BCKDHB: variants seen among roughly 807,000 people sequenced by gnomAD.
BCKDHB encodes the protein 2-oxoisovalerate dehydrogenase subunit beta, mitochondrial.
A neutral mutation model predicts 48.5 loss-of-function variants in BCKDHB; 41 were observed. The observed-to-expected ratio is 0.85, with a 90% confidence interval of 0.66 to 1.10. The LOEUF (loss-of-function observed/expected upper bound fraction) is 1.10, where lower values mean the gene tolerates loss of function less well. Among genes scored for constraint, BCKDHB ranks in the 50% least tolerant of loss-of-function variants. BCKDHB has a pLI of 0.00. For missense variants in BCKDHB, 496 were observed against 494.2 expected (o/e 1.00, Z -0.03); for synonymous variants, 201 against 174.8 (o/e 1.15, Z -1.18).
At chr6:80,442,614 C>T in the BCKDHB span, among the ~76,000 whole-genome samples, 1 of 151,858 alleles carries the variant, frequency 6.6e-6, no homozygotes, top group Non-Finnish European at 1.5e-5. Flanking sequence ...TACAGAGGGG[C>T]ATTTGAGAGT....
chr6:80,304,887 T>C (rs923222463), intron 9 of BCKDHB, among the ~76,000 whole-genome samples: 4 of 152,106 alleles, frequency 2.6e-5, no homozygotes, highest in African/African-American at 7.2e-5. Flanking sequence ...AAGAAGAAAT[T>C]AGAAACTTCC....
rs189363434 is a variant in BCKDHB at position 80,265,208 on chromosome 6, A to G, written c.952-7927A>G. 5.3e-5 allele frequency among the ~76,000 whole-genome samples: 8 copies of G among 152,272 alleles called. No individual in the cohort carries two copies. The East Asian group carries it at 1.4e-3, about 26-fold the overall frequency. On this transcript the variant is annotated intron_variant, in intron 8 of 9. Transcript: ENST00000320393. ...CCAGCAATTCCACTTCTGGGTATAT[A>G]TACAAAAGAAGTGAAAGCAGGGACT...
intron 8 of BCKDHB, among the ~76,000 whole-genome samples, chr6:80,253,866 A>T (rs1044350587): frequency 5.3e-5 from 8 of 151,904 alleles, no homozygotes; most frequent in African/African-American, 1.9e-4. Context: ...TAGGCCACTA[A>T]TTTTTTTCAT....
At chr6:80,182,016 A>G (rs1015034560) in intron 6 of BCKDHB, among the ~76,000 whole-genome samples, 1 of 152,178 alleles carries the variant, frequency 6.6e-6, no homozygotes, top group Non-Finnish European at 1.5e-5. Flanking sequence ...AACGTATATT[A>G]TTAATTTATT....
chr6:80,441,710 A>G, the BCKDHB span, among the ~76,000 whole-genome samples: 1 of 152,040 alleles, frequency 6.6e-6, no homozygotes, highest in Non-Finnish European at 1.5e-5. Context: ...TGCTGTCATC[A>G]TGTTTGTTAT....
chr6:80,373,290 C>G, the BCKDHB span, among the ~76,000 whole-genome samples: 5 of 151,722 alleles, frequency 3.3e-5, no homozygotes, highest in Admixed American at 2.0e-4. Context: ...TTTCGGTTGA[C>G]ATATCTCCTG....
intron 8 of BCKDHB, among the ~76,000 whole-genome samples, chr6:80,228,468 A>G (rs1377866496): frequency 6.6e-6 from 1 of 152,156 alleles, no homozygotes; most frequent in Non-Finnish European, 1.5e-5. Context: ...TAGAGACAGC[A>G]CCAGTTCCTG....
At chr6:80,225,803 G>A (rs146252974) in intron 8 of BCKDHB, among the ~76,000 whole-genome samples, 82 of 152,020 alleles carry the variant, frequency 5.4e-4, no homozygotes, top group African/African-American at 1.9e-3. Flanking sequence ...GTGTTTACTT[G>A]TTCTTTATAG....
intron 1 of BCKDHB, among the ~76,000 whole-genome samples, chr6:80,123,105 C>T (rs1770131231): frequency 6.6e-6 from 1 of 152,020 alleles, no homozygotes; most frequent in African/African-American, 2.4e-5. Flanking sequence ...AAAAATATGG[C>T]TCTTTTTGCC....
chr6:80,164,330 T>C (rs1473055318), intron 3 of BCKDHB, among the ~76,000 whole-genome samples: 1 of 152,170 alleles, frequency 6.6e-6, no homozygotes, highest in Non-Finnish European at 1.5e-5. Context: ...GTTTTTGTAC[T>C]TGATGGTCGC....
intron 6 of BCKDHB, among the ~76,000 whole-genome samples, chr6:80,188,738 CT>C (rs1247757760): frequency 1.3e-5 from 2 of 152,162 alleles, no homozygotes; most frequent in African/African-American, 2.4e-5. Flanking sequence ...CCAAGCCCCC[CT>C]GACATGCAAT....
the BCKDHB span, among the ~76,000 whole-genome samples, chr6:80,429,341 T>C: frequency 6.6e-6 from 1 of 152,170 alleles, no homozygotes; most frequent in African/African-American, 2.4e-5. Flanking sequence ...CTTAAGATTG[T>C]CTTGGCTATG....
At chr6:80,429,733 CTT>C in the BCKDHB span, among the ~76,000 whole-genome samples, 1 of 152,204 alleles carries the variant, frequency 6.6e-6, no homozygotes, top group African/African-American at 2.4e-5. Context: ...TATCCTGAAA[CTT>C]TGCTGAAGTT....
At chr6:80,219,628 G>T (rs949959426) in intron 8 of BCKDHB, among the ~76,000 whole-genome samples, 1 of 152,102 alleles carries the variant, frequency 6.6e-6, no homozygotes, top group Non-Finnish European at 1.5e-5. Flanking sequence ...TGGGTCCTGC[G>T]ATTTGCTCTT....
intron 6 of BCKDHB, among the ~76,000 whole-genome samples, chr6:80,188,498 G>A (rs1042919811): frequency 3.9e-5 from 6 of 152,062 alleles, no homozygotes; most frequent in Admixed American, 2.6e-4. Flanking sequence ...ATTTAGCCAG[G>A]TGTGGTGGTG....
the BCKDHB span, among the ~76,000 whole-genome samples, chr6:80,421,060 C>T: frequency 6.6e-6 from 1 of 152,142 alleles, no homozygotes; most frequent in Non-Finnish European, 1.5e-5. Context: ...TGTGTCTCCA[C>T]CCAAATTTCA....
At chr6:80,370,611 A>T in the BCKDHB span, among the ~76,000 whole-genome samples, 1 of 152,124 alleles carries the variant, frequency 6.6e-6, no homozygotes, top group Admixed American at 6.6e-5. Flanking sequence ...TTGCAACCTC[A>T]TAGCTTAGCT....
At chr6:80,325,693 T>G (rs1486892150) in intron 9 of BCKDHB, among the ~76,000 whole-genome samples, 1 of 152,210 alleles carries the variant, frequency 6.6e-6, no homozygotes, top group Non-Finnish European at 1.5e-5. Context: ...GAAAACCTGT[T>G]GCTAGTTTTG....
the BCKDHB span, among the ~76,000 whole-genome samples, chr6:80,457,993 C>T: frequency 1.7e-4 from 26 of 152,266 alleles, no homozygotes; most frequent in African/African-American, 6.3e-4. Context: ...ATAGATTTCA[C>T]GTAAGTTAAC....
Sources: allele counts gnomAD v4.1 joint callset (sites outside exome capture counted in the v4.1 genomes callset), GRCh38; gene constraint gnomAD v4.1.1; transcripts MANE v1.5; gene names NCBI Gene and HGNC (gene_info 2026-07-23, HGNC 2026-07-21).